Variants in DEXI observed in about 807,000 individuals in gnomAD.
The protein encoded by DEXI is dexamethasone-induced protein.
DEXI carries 2 observed loss-of-function variants against 2.5 expected under a neutral mutation model. The ratio of observed to expected loss-of-function variants is 0.81; its 90% confidence interval spans 0.33 to 2.55. The LOEUF (loss-of-function observed/expected upper bound fraction) is 2.55, where lower values mean the gene tolerates loss of function less well. DEXI is among the 30% of genes most tolerant of loss of function. The pLI is 0.11. For missense variants in DEXI, 108 were observed against 130.3 expected (o/e 0.83, Z 0.83); for synonymous variants, 71 against 68.7 (o/e 1.03, Z -0.17).
At chr16:10,931,703 C>G (rs1038511582) in intron 1 of DEXI, 1 of 152,222 alleles carries the variant, frequency 6.6e-6, no homozygotes, top group Non-Finnish European at 1.5e-5. Context: ...CATGGCGAAA[C>G]CGCGTCTCTA....
At position 10,941,788 on chromosome 16, in the gene DEXI, A is replaced by G; in HGVS notation, c.218T>C (p.Leu73Pro). The G allele has an allele frequency of 6.2e-7, 1 of 1,613,672 alleles. No homozygotes were observed. The highest frequency in any genetic ancestry group is 8.5e-7 in the Non-Finnish European group (1 of 1,179,838). Residue 73 changes from leucine (L) to proline (P), a missense_variant, in exon 1 of 2, where the codon CTC (leucine) becomes CCC (proline). Physicochemically the swap from Leu to Pro is moderately conservative, Grantham distance 98 (BLOSUM62 -3). Transcript: ENST00000331808. This position sits in a 1 kb window ranked among gnomAD's most constrained non-coding sequence, Gnocchi z 6.4. ...GTAAAGGCCCGAGCCGGGGTCGGAG[A>G]GCACGCCGAGGTCCACGAGCGCCTG... Reference protein sequence around the residue: ...MDQALVDLGVLSDPGSGLYDA... With the variant: ...MDQALVDLGVPSDPGSGLYDA...
At position 10,941,551 on chromosome 16, in the gene DEXI, T is replaced by G; in HGVS notation, c.*149+18A>C. ...AGCGCCCCAACCCGCCCTCATCCTGTTCAGAGAGGGCACTTACAGGCCTCG... is the reference window on the plus strand; with the variant it reads ...AGCGCCCCAACCCGCCCTCATCCTGGTCAGAGAGGGCACTTACAGGCCTCG... On this transcript the variant is annotated intron_variant, in intron 1 of 1. Coordinates refer to ENST00000331808, the MANE Select transcript of DEXI (RefSeq NM_014015.4). This position sits in a 1 kb window ranked among gnomAD's most constrained non-coding sequence, Gnocchi z 6.4. The G allele has an allele frequency of 1.4e-6, 2 of 1,441,958 alleles. No homozygotes were observed. Among genetic ancestry groups the G allele is most frequent in the South Asian group, 3.0e-5 (2 of 66,602 alleles). 89.3% of individuals were successfully genotyped at this position (1,441,958 alleles called of 1,614,324 possible).
rs1270599625 is a variant in DEXI at position 10,938,986 on chromosome 16, A to G, written c.*149+2583T>C. The G allele has an allele frequency of 6.6e-6, 1 of 152,224 alleles. No individual in the cohort carries two copies. The highest frequency in any genetic ancestry group is 2.4e-5 in the African/African-American group (1 of 41,450). 9.4% of individuals were successfully genotyped at this position (152,224 alleles called of 1,614,324 possible). On this transcript the variant is annotated intron_variant, in intron 1 of 1. Transcript: ENST00000331808. The surrounding 1 kb of genome is among the most constrained non-coding windows in gnomAD (Gnocchi z 4.9). ...TCCTCACCAAGTTACACTGCTTCAAAGTCAAATGCTTGGCTTGGAGACAGG... is the reference window on the plus strand; with the variant it reads ...TCCTCACCAAGTTACACTGCTTCAAGGTCAAATGCTTGGCTTGGAGACAGG...
In DEXI at chr16:10,929,528, C is replaced by CT. The variant is rs960393685; in HGVS notation, c.*180dup. ...CTCCTGGGTTCAAACAGGAACCTCTCTGTTGGCACGAAGCTTTTGAGGGGA... is the reference window on the plus strand; with the variant it reads ...CTCCTGGGTTCAAACAGGAACCTCTCTTGTTGGCACGAAGCTTTTGAGGGGA... On this transcript the variant is annotated 3_prime_UTR_variant, in exon 2 of 2. Transcript: ENST00000331808. The surrounding 1 kb of genome is among the most constrained non-coding windows in gnomAD (Gnocchi z 4.3). 1 of 985,468 alleles carries CT rather than the reference C, an allele frequency of 1.0e-6. No individual in the cohort carries two copies. Among genetic ancestry groups the CT allele is most frequent in the African/African-American group, 1.7e-5 (1 of 57,238 alleles). 61.0% of individuals were successfully genotyped at this position (985,468 alleles called of 1,614,324 possible).
At chr16:10,936,448 G>C (rs968952595) in intron 1 of DEXI, 1 of 152,140 alleles carries the variant, frequency 6.6e-6, no homozygotes, top group Non-Finnish European at 1.5e-5. Context: ...ATATACACAT[G>C]TGTGCATATA....
chr16:10,930,296 T>C (rs1008834665), intron 1 of DEXI: 1 of 152,284 alleles, frequency 6.6e-6, no homozygotes, highest in Admixed American at 6.5e-5. Flanking sequence ...GTGACATGTA[T>C]TGTTGTTTGA....
Position 10,941,677 on chromosome 16 carries a change from T to G in DEXI, c.*41A>C. On this transcript the variant is annotated 3_prime_UTR_variant, in exon 1 of 2. Transcript: ENST00000331808. This position sits in a 1 kb window ranked among gnomAD's most constrained non-coding sequence, Gnocchi z 6.4. ...CTGGGCGGCTGGTCCAGGGCATGGGTTGCGGATCGTGTAGGGAAGAGGGGA... is the reference window on the plus strand; with the variant it reads ...CTGGGCGGCTGGTCCAGGGCATGGGGTGCGGATCGTGTAGGGAAGAGGGGA... The G allele has an allele frequency of 6.4e-7, 1 of 1,565,510 alleles. No homozygotes were observed. The highest frequency in any genetic ancestry group is 8.7e-7 in the Non-Finnish European group (1 of 1,153,070).
rs1337440551 is a variant in DEXI, at chr16:10,938,864, G to A, written c.*149+2705C>T. The A allele has an allele frequency of 6.6e-6, 1 of 152,230 alleles. No homozygotes were observed. Among genetic ancestry groups the A allele is most frequent in the Non-Finnish European group, 1.5e-5 (1 of 68,052 alleles). The allele number at this position is 152,230 out of a possible 1,614,324, so 9.4% of individuals were successfully genotyped here. ...AGCGTTTGCTGCAAAATATGTCGAA[G>A]CATTTGGGATTCAGTTTTTAGTTCA... is the stretch of plus-strand genomic sequence containing the variant. On this transcript the variant is annotated intron_variant, in intron 1 of 1. Transcript: ENST00000331808. The surrounding 1 kb of genome is among the most constrained non-coding windows in gnomAD (Gnocchi z 4.9).
chr16:10,940,797 G>C lies in DEXI; in HGVS notation c.*149+772C>G, dbSNP rs909479599. ...CGTCACAGCCCCAAAGACAGGACTT[G>C]ACCATCTCAGTGCAATGACCCTGTG... is the stretch of plus-strand genomic sequence containing the variant. On this transcript the variant is annotated intron_variant, in intron 1 of 1. Transcript: ENST00000331808. The surrounding 1 kb of genome is among the most constrained non-coding windows in gnomAD (Gnocchi z 4.2). 1 of 152,316 alleles carries C rather than the reference G, an allele frequency of 6.6e-6. No homozygotes were observed. The highest frequency in any genetic ancestry group is 1.5e-5 in the Non-Finnish European group (1 of 68,148). 9.4% of individuals were successfully genotyped at this position (152,316 alleles called of 1,614,324 possible).
chr16:10,932,961 G>A (rs936909350), intron 1 of DEXI: 8 of 152,108 alleles, frequency 5.3e-5, no homozygotes, highest in East Asian at 3.9e-4. Context: ...AGTCAAAGCC[G>A]TCCTGAGCTG....
chr16:10,936,630 C>T (rs557575106), intron 1 of DEXI: 1 of 152,240 alleles, frequency 6.6e-6, no homozygotes, highest in East Asian at 1.9e-4. Flanking sequence ...GTTTTTAATT[C>T]AGGAAAAAGT....
rs1255496928 is a variant in DEXI, at chr16:10,929,639, C to T, written c.*150-80G>A. The T allele has an allele frequency of 2.0e-5, 18 of 906,402 alleles. No individual in the cohort carries two copies. Among genetic ancestry groups the T allele is most frequent in the Non-Finnish European group, 2.4e-5 (18 of 757,948 alleles). The allele number at this position is 906,402 out of a possible 1,614,324, so 56.1% of individuals were successfully genotyped here. On this transcript the variant is annotated intron_variant, in intron 1 of 1. Transcript: ENST00000331808. The surrounding 1 kb of genome is among the most constrained non-coding windows in gnomAD (Gnocchi z 4.3). Reference sequence around the variant, plus strand: ...GGTTGGCTGGGGACAGGGACCAATCCACCAGGCTCGGGAGGCTTGGGGTGG... The same window carrying T: ...GGTTGGCTGGGGACAGGGACCAATCTACCAGGCTCGGGAGGCTTGGGGTGG...
Position 10,938,510 on chromosome 16 carries a change from G to A in DEXI, c.*149+3059C>T, listed in dbSNP as rs1334464847. ...GTGGGGAACACATGTGACCACATGA[G>A]AATGGCTGAGAAAGAGCAGGACTGA... On this transcript the variant is annotated intron_variant, in intron 1 of 1. Coordinates refer to ENST00000331808, the MANE Select transcript of DEXI (RefSeq NM_014015.4). This position sits in a 1 kb window ranked among gnomAD's most constrained non-coding sequence, Gnocchi z 4.9. 6.6e-6 allele frequency: 1 copy of A among 152,246 alleles called. No individual in the cohort carries two copies. Among genetic ancestry groups the A allele is most frequent in the East Asian group, 1.9e-4 (1 of 5,198 alleles). The allele number at this position is 152,246 out of a possible 1,614,324, so 9.4% of individuals were successfully genotyped here. A position where few individuals can be genotyped will look rare whatever the true frequency, so the allele number is the denominator to read the frequency against.
rs912218392 is a variant in DEXI, at chr16:10,941,250, C to G, written c.*149+319G>C. Reference sequence around the variant, plus strand: ...GCCAGGATGAGGACTGGAGGAGGAGCTGACAGCTCTGCCTCAAATGGATTT... The same window carrying G: ...GCCAGGATGAGGACTGGAGGAGGAGGTGACAGCTCTGCCTCAAATGGATTT... On this transcript the variant is annotated intron_variant, in intron 1 of 1. Transcript: ENST00000331808. This position sits in a 1 kb window ranked among gnomAD's most constrained non-coding sequence, Gnocchi z 6.4. The G allele has an allele frequency of 1.9e-5, 3 of 157,700 alleles. No individual in the cohort carries two copies. Among genetic ancestry groups the G allele is most frequent in the African/African-American group, 7.2e-5 (3 of 41,512 alleles). The allele number at this position is 157,700 out of a possible 1,614,324, so 9.8% of individuals were successfully genotyped here.
At chr16:10,930,636 A>G (rs1050244796) in intron 1 of DEXI, 1 of 152,232 alleles carries the variant, frequency 6.6e-6, no homozygotes, top group African/African-American at 2.4e-5. Flanking sequence ...GCTTGGTAAT[A>G]ACGATGGAAA....
rs906551317 is a variant in DEXI at position 10,938,048 on chromosome 16, C to G, written c.*149+3521G>C. 6.6e-6 allele frequency: 1 copy of G among 152,226 alleles called. No individual in the cohort carries two copies. The highest frequency in any genetic ancestry group is 2.4e-5 in the African/African-American group (1 of 41,450). The allele number at this position is 152,226 out of a possible 1,614,324, so 9.4% of individuals were successfully genotyped here. On this transcript the variant is annotated intron_variant, in intron 1 of 1. Coordinates refer to ENST00000331808, the MANE Select transcript of DEXI (RefSeq NM_014015.4). The surrounding 1 kb of genome is among the most constrained non-coding windows in gnomAD (Gnocchi z 4.9). The stretch of plus-strand genomic sequence containing the variant: ...GTGCAGGTTTGTACATTTGCAAGGG[C>G]ATGGGTATAACACGCTTTCCATTGT...
chr16:10,930,508 C>T (rs1323737555), intron 1 of DEXI: 1 of 152,142 alleles, frequency 6.6e-6, no homozygotes, highest in African/African-American at 2.4e-5. Flanking sequence ...GAGACCCATG[C>T]ATCGTATAGG....
chr16:10,941,810 C>A lies in DEXI; in HGVS notation c.196G>T (p.Ala66Ser). 6.2e-7 allele frequency: 1 copy of A among 1,613,654 alleles called. No individual in the cohort carries two copies. The highest frequency in any genetic ancestry group is 8.5e-7 in the Non-Finnish European group (1 of 1,179,856). ...GAGAGCACGCCGAGGTCCACGAGCG[C>A]CTGGTCCATGTCCTCGGGCAGGAAG... Reference protein sequence around the residue: ...LVFLPEDMDQALVDLGVLSDP... With the variant: ...LVFLPEDMDQSLVDLGVLSDP... Residue 66 changes from alanine to serine, a missense_variant, in exon 1 of 2, where the codon GCG (alanine) becomes TCG (serine). Coordinates refer to ENST00000331808, the MANE Select transcript of DEXI (RefSeq NM_014015.4). This position sits in a 1 kb window ranked among gnomAD's most constrained non-coding sequence, Gnocchi z 6.4.
At position 10,929,598 on chromosome 16, in the gene DEXI, C is replaced by G; in HGVS notation, c.*150-39G>C. 1 of 982,842 alleles carries G rather than the reference C, an allele frequency of 1.0e-6. No individual in the cohort carries two copies. The highest frequency in any genetic ancestry group is 1.7e-5 in the African/African-American group (1 of 57,272). The allele number at this position is 982,842 out of a possible 1,614,324, so 60.9% of individuals were successfully genotyped here. The stretch of plus-strand genomic sequence containing the variant: ...AAAAGGGGGGTTATTAGCACGGAAG[C>G]CCCACCCTGCCACCAGGTTGGCTGG... On this transcript the variant is annotated intron_variant, in intron 1 of 1. Coordinates refer to ENST00000331808, the MANE Select transcript of DEXI (RefSeq NM_014015.4). This position sits in a 1 kb window ranked among gnomAD's most constrained non-coding sequence, Gnocchi z 4.3.
Sources: gnomAD v4.1 joint callset for allele counts on GRCh38, gnomAD v4.1.1 for gene constraint, Gnocchi (gnomAD v3.1) non-coding constraint, MANE v1.5 for transcripts, NCBI Gene and HGNC (gene_info 2026-07-23, HGNC 2026-07-21) for gene names.